The following CFAP299 variants were observed in gnomAD, a reference collection of about 807,000 sequenced individuals.
CFAP299 encodes cilia- and flagella-associated protein 299.
A neutral mutation model predicts 27.0 loss-of-function variants in CFAP299; 21 were observed. The observed-to-expected ratio is 0.78, with a 90% CI of 0.55 to 1.12. The LOEUF (loss-of-function observed/expected upper bound fraction) is 1.12. CFAP299 is among the 50% of genes most tolerant of loss of function. The probability of loss-of-function intolerance (pLI) is 0.00; values close to 1 mark genes in which losing one functional copy is unlikely to be tolerated. For missense variants in CFAP299, 310 were observed against 276.6 expected (o/e 1.12, Z -0.86); for synonymous variants, 104 against 98.1 (o/e 1.06, Z -0.36).
intron 2 of CFAP299, among the ~76,000 whole-genome samples, chr4:80,425,377 T>C (rs975594414): frequency 2.6e-5 from 4 of 152,190 alleles, no homozygotes; most frequent in South Asian, 2.1e-4. Flanking sequence ...GATTTCTCCA[T>C]TGGGGAAGGA....
chr4:80,623,443 G>A (rs925080428), intron 3 of CFAP299, among the ~76,000 whole-genome samples: 1 of 152,124 alleles, frequency 6.6e-6, no homozygotes, highest in Non-Finnish European at 1.5e-5. Flanking sequence ...GGTGGAACAC[G>A]ATGGCAAAGT....
chr4:80,433,849 G>A (rs1037491313), intron 2 of CFAP299, among the ~76,000 whole-genome samples: 6 of 152,104 alleles, frequency 3.9e-5, no homozygotes, highest in Non-Finnish European at 5.9e-5. Context: ...TACACTCACT[G>A]GGAATTTTGT....
intron 2 of CFAP299, among the ~76,000 whole-genome samples, chr4:80,411,029 A>T (rs1157168200): frequency 2.0e-5 from 3 of 152,184 alleles, no homozygotes; most frequent in African/African-American, 7.2e-5. Flanking sequence ...AAATTCGGTA[A>T]TGTATTATAC....
chr4:80,895,221 G>A (rs1734557312), intron 4 of CFAP299, among the ~76,000 whole-genome samples: 1 of 151,042 alleles, frequency 6.6e-6, no homozygotes, highest in South Asian at 2.1e-4. Context: ...TGAAATGATG[G>A]CTATGTTAAT....
intron 3 of CFAP299, among the ~76,000 whole-genome samples, chr4:80,758,364 T>A (rs1725366611): frequency 6.6e-6 from 1 of 152,128 alleles, no homozygotes; most frequent in African/African-American, 2.4e-5. Context: ...GCTGCTTCTC[T>A]CCAATGGCCA....
At chr4:80,713,789 C>A (rs990732050) in intron 3 of CFAP299, among the ~76,000 whole-genome samples, 12 of 152,140 alleles carry the variant, frequency 7.9e-5, no homozygotes, top group Admixed American at 2.0e-4. Flanking sequence ...TACATTTACA[C>A]AAAATAATAA....
At chr4:80,832,209 G>A (rs1730333919) in intron 3 of CFAP299, among the ~76,000 whole-genome samples, 1 of 152,110 alleles carries the variant, frequency 6.6e-6, no homozygotes, top group African/African-American at 2.4e-5. Context: ...TAGCAGTACA[G>A]GATACGCACT....
intron 4 of CFAP299, among the ~76,000 whole-genome samples, chr4:80,935,880 C>A (rs1313368840): frequency 6.6e-6 from 1 of 151,926 alleles, no homozygotes; most frequent in Non-Finnish European, 1.5e-5. Context: ...ACAAACAACC[C>A]CCTTAAAAAG....
At chr4:80,648,778 A>C (rs1415943483) in intron 3 of CFAP299, 1 of 152,174 alleles carries the variant, frequency 6.6e-6, no homozygotes, top group Non-Finnish European at 1.5e-5. Context: ...TTTAAGTTAA[A>C]ATTATGAATG....
intron 3 of CFAP299, among the ~76,000 whole-genome samples, chr4:80,585,233 G>A (rs187410143): frequency 1.0e-3 from 156 of 152,190 alleles, no homozygotes; most frequent in Non-Finnish European, 2.0e-3. Context: ...TAGATAGATG[G>A]TACTGCCACT....
In CFAP299 at chr4:80,410,072, C is replaced by T. The variant is rs568140861; in HGVS notation, c.242+47188C>T. 5.3e-5 allele frequency among the ~76,000 whole-genome samples: 8 copies of T among 152,102 alleles called. No homozygotes were observed. In the South Asian group the frequency reaches 1.0e-3, roughly 20 times the overall value. On this transcript the variant is annotated intron_variant, in intron 2 of 5. Transcript: ENST00000358105. ...AGTGTTTAACTTGGAGAAGGGAAGA[C>T]GAAGGGATGATTTAACTGTCTTCAA...
At chr4:80,767,815 TTTCA>T (rs1359374448) in intron 3 of CFAP299, among the ~76,000 whole-genome samples, 3 of 152,144 alleles carry the variant, frequency 2.0e-5, no homozygotes, top group Non-Finnish European at 4.4e-5. Context: ...ATTGGATGAC[TTTCA>T]TTCTTTTGAG....
chr4:80,693,603 G>A (rs1038156904), intron 3 of CFAP299, among the ~76,000 whole-genome samples: 5 of 150,700 alleles, frequency 3.3e-5, no homozygotes, highest in African/African-American at 7.3e-5. Flanking sequence ...GCTAGATTAC[G>A]AATTAGTGGG....
At chr4:80,813,855 AC>A (rs2110118688) in intron 3 of CFAP299, among the ~76,000 whole-genome samples, 1 of 152,156 alleles carries the variant, frequency 6.6e-6, no homozygotes, top group Non-Finnish European at 1.5e-5. Context: ...AAGGAAAAAA[AC>A]AAAAGACAGT....
chr4:80,554,189 C>T (rs1385974252), intron 2 of CFAP299, among the ~76,000 whole-genome samples: 4 of 152,088 alleles, frequency 2.6e-5, no homozygotes, highest in Non-Finnish European at 5.9e-5. Flanking sequence ...GGAAGGGGTC[C>T]AGCTTCAATC....
chr4:80,502,954 G>T (rs182586744), intron 2 of CFAP299, among the ~76,000 whole-genome samples: 2 of 152,226 alleles, frequency 1.3e-5, no homozygotes, highest in East Asian at 3.9e-4. Flanking sequence ...AAAAGGATGA[G>T]TCTGAGTAAG....
At chr4:80,911,859 T>C (rs1210645818) in intron 4 of CFAP299, among the ~76,000 whole-genome samples, 1 of 152,138 alleles carries the variant, frequency 6.6e-6, no homozygotes, top group Non-Finnish European at 1.5e-5. Context: ...TATTTTTTCA[T>C]ACCATGCAAA....
At chr4:80,658,206 A>T (rs1443026994) in intron 3 of CFAP299, among the ~76,000 whole-genome samples, 1 of 152,090 alleles carries the variant, frequency 6.6e-6, no homozygotes, top group Non-Finnish European at 1.5e-5. Flanking sequence ...TTCTCTTCCT[A>T]TTTGAATACG....
At chr4:80,667,891 C>A (rs1331323666) in intron 3 of CFAP299, among the ~76,000 whole-genome samples, 2 of 152,006 alleles carry the variant, frequency 1.3e-5, no homozygotes, top group East Asian at 3.9e-4. Context: ...TTTTTAGGAA[C>A]CTCCATATAG....
Sources: gnomAD v4.1 joint callset for allele counts (sites outside exome capture counted in the v4.1 genomes callset) on GRCh38, gnomAD v4.1.1 for gene constraint, MANE v1.5 for transcripts, NCBI Gene and HGNC (gene_info 2026-07-23, HGNC 2026-07-21) for gene names.